The following FREM2 variants were observed in gnomAD, a reference collection of about 807,000 sequenced individuals.
FREM2 encodes the protein FRAS1-related extracellular matrix protein 2.
In FREM2, 119 loss-of-function variants were observed where a neutral mutation model predicts 219.9. The ratio of observed to expected loss-of-function variants is 0.54; its 90% CI spans 0.47 to 0.63. The LOEUF (loss-of-function observed/expected upper bound fraction) is 0.63, where lower values mean the gene tolerates loss of function less well. Among genes scored for constraint, FREM2 ranks in the 30% least tolerant of loss-of-function variants. The pLI is 0.00. For synonymous variants in FREM2, 1,562 were observed against 1,522.8 expected, an observed-to-expected ratio of 1.03 and a Z score of -0.60; for missense variants, 4,030 against 3,993.6, an observed-to-expected ratio of 1.01 and a Z score of -0.25.
At chr13:38,789,614 T>A (rs1874478865) in intron 6 of FREM2, among the ~76,000 whole-genome samples, 1 of 151,296 alleles carries the variant, frequency 6.6e-6, no homozygotes, top group South Asian at 2.1e-4. Flanking sequence ...TTCTATTTCA[T>A]TAATTTCTGT....
intron 4 of FREM2, among the ~76,000 whole-genome samples, chr13:38,775,778 C>T (rs1172052052): frequency 1.3e-5 from 2 of 152,114 alleles, no homozygotes; most frequent in Non-Finnish European, 2.9e-5. Context: ...ACCACCATAC[C>T]CAGCTAATTT....
intron 2 of FREM2, among the ~76,000 whole-genome samples, chr13:38,717,645 G>T (rs972429428): frequency 1.3e-5 from 2 of 152,008 alleles, no homozygotes; most frequent in African/African-American, 4.8e-5. Context: ...TTGAACTCTT[G>T]ATCTGAAGTG....
rs1869933314 is a variant in FREM2 at position 38,692,451 on chromosome 13, G to A, written c.5107G>A (p.Ala1703Thr). Residue 1703 changes from alanine to threonine, a missense_variant, in exon 1 of 24, where the codon GCC becomes ACC. Physicochemically the swap from Ala to Thr is moderately conservative, Grantham distance 58. This residue lies in a region of FREM2 where 3,102 missense variants were observed against 2,950.7 expected (regional missense o/e 1.05). Transcript: ENST00000280481. ...HISLRFIVTE[A>T]PQHGYLLNLD... ...TTCTCTTAGATTTATCGTGACAGAGGCCCCTCAACATGGATATCTTCTCAA... is the reference window on the plus strand; with the variant it reads ...TTCTCTTAGATTTATCGTGACAGAGACCCCTCAACATGGATATCTTCTCAA... 6.2e-7 allele frequency: 1 copy of A among 1,613,608 alleles called. No homozygotes were observed. Among genetic ancestry groups the A allele is most frequent in the Non-Finnish European group, 8.5e-7 (1 of 1,179,882 alleles).
rs1348762404 is a variant in FREM2 at position 38,688,749 on chromosome 13, G to T, written c.1405G>T (p.Val469Phe). Residue 469 changes from valine (V) to phenylalanine (F), a missense_variant, in exon 1 of 24, where the codon GTC becomes TTC. Physicochemically the swap from Val to Phe is conservative, Grantham distance 50 (BLOSUM62 -1). Around this residue, in one of 2 missense-constraint regions of FREM2, gnomAD observed 3,102 missense variants for 2,950.7 expected, o/e 1.05. Transcript: ENST00000280481. ...TGCAGGCAGTGGTCCGCAAAACTTGGTCATCAGCGATGAGGATGACCTAGA... is the reference window on the plus strand; with the variant it reads ...TGCAGGCAGTGGTCCGCAAAACTTGTTCATCAGCGATGAGGATGACCTAGA... ...GPAGSGPQNL[V>F]ISDEDDLEAV... The T allele has an allele frequency of 6.2e-7, 1 of 1,613,936 alleles. No homozygotes were observed. The highest frequency in any genetic ancestry group is 8.5e-7 in the Non-Finnish European group (1 of 1,179,958).
Position 38,689,608 on chromosome 13 carries a change from C to A in FREM2, c.2264C>A (p.Pro755Gln). 1.2e-6 allele frequency: 2 copies of A among 1,613,588 alleles called. No homozygotes were observed. The highest frequency in any genetic ancestry group is 8.5e-7 in the Non-Finnish European group (1 of 1,179,728). Residue 755 changes from proline to glutamine, a missense_variant, in exon 1 of 24, where the codon CCA becomes CAA. Around this residue, in one of 2 missense-constraint regions of FREM2, gnomAD observed 3,102 missense variants for 2,950.7 expected, o/e 1.05. Transcript: ENST00000280481. The part of the protein sequence containing the change: ...PPTDTDENHL[P>Q]APLGTLVLTD... Reference sequence around the variant, plus strand: ...ACAGACACAGACGAAAATCACCTGCCAGCCCCACTGGGTACCTTGGTCTTG... The same window carrying A: ...ACAGACACAGACGAAAATCACCTGCAAGCCCCACTGGGTACCTTGGTCTTG...
At chr13:38,880,140 C>A in intron 23 of FREM2, 144 bp from the exon 24 acceptor site, 1 of 862,940 alleles carries the variant, frequency 1.2e-6, no homozygotes, top group Non-Finnish European at 1.9e-6. Context: ...GCACCTAGTA[C>A]TCATTCAAAA....
chr13:38,690,023 G>A lies in FREM2; in HGVS notation c.2679G>A (p.Glu893=), dbSNP rs1461075173. The A allele has an allele frequency of 2.5e-6, 4 of 1,613,956 alleles. No individual in the cohort carries two copies. Among genetic ancestry groups the A allele is most frequent in the Non-Finnish European group, 3.4e-6 (4 of 1,180,018 alleles). ...ILHVGGLFHL[E]DIKQGRVSYA... ...ATGTAGGGGGTCTCTTCCACTTGGA[G>A]GACATAAAACAGGGCCGAGTTTCCT... Residue 893 remains glutamate, a synonymous_variant, in exon 1 of 24, where the codon GAG becomes GAA. Coordinates refer to ENST00000280481, the MANE Select transcript of FREM2 (RefSeq NM_207361.6).
At chr13:38,741,407 C>T (rs759248111) in intron 2 of FREM2, among the ~76,000 whole-genome samples, 3 of 152,086 alleles carry the variant, frequency 2.0e-5, no homozygotes, top group Non-Finnish European at 4.4e-5. Flanking sequence ...GAATTTCTCC[C>T]TAATGAAGAC....
chr13:38,876,270 A>C lies in FREM2; in HGVS notation c.8432A>C (p.Tyr2811Ser), dbSNP rs577529873. The change falls in exon 20 of 24, where the codon TAT becomes TCT. Residue 2811 changes from tyrosine to serine, a missense_variant. Tyr to Ser is a moderately radical substitution (Grantham distance 144). This residue lies in a region of FREM2 where 928 missense variants were observed against 1,042.9 expected (regional missense o/e 0.89). Transcript: ENST00000280481. Reference protein sequence around the residue: ...DFAVRDYSGTYTVKLVPCTAP... With the variant: ...DFAVRDYSGTSTVKLVPCTAP... ...AAGGTACGTGACTACTCAGGGACCTATACTGTGAAGCTGGTGCCATGCACT... is the reference window on the plus strand; with the variant it reads ...AAGGTACGTGACTACTCAGGGACCTCTACTGTGAAGCTGGTGCCATGCACT... 6.2e-7 allele frequency: 1 copy of C among 1,614,138 alleles called. No homozygotes were observed. Among genetic ancestry groups the C allele is most frequent in the South Asian group, 1.1e-5 (1 of 91,074 alleles).
intron 2 of FREM2, among the ~76,000 whole-genome samples, chr13:38,748,847 G>T (rs897985412): frequency 4.6e-5 from 7 of 152,140 alleles, no homozygotes; most frequent in African/African-American, 1.7e-4. Flanking sequence ...GATGCTGTGA[G>T]CTCTATGTTT....
intron 16 of FREM2, among the ~76,000 whole-genome samples, chr13:38,867,076 A>G (rs765181336): frequency 1.3e-5 from 2 of 152,190 alleles, no homozygotes; most frequent in Non-Finnish European, 2.9e-5. Flanking sequence ...ACTGCCAGCT[A>G]GAAAAGTCAT....
intron 2 of FREM2, among the ~76,000 whole-genome samples, chr13:38,725,652 A>G (rs919079551): frequency 4.6e-5 from 7 of 152,190 alleles, no homozygotes; most frequent in Non-Finnish European, 1.0e-4. Flanking sequence ...GGAGGAACTG[A>G]GTGGAAGCCT....
intron 6 of FREM2, among the ~76,000 whole-genome samples, chr13:38,832,161 A>G (rs555517893): frequency 1.3e-5 from 2 of 151,924 alleles, no homozygotes; most frequent in Admixed American, 6.6e-5. Flanking sequence ...CTAAAAATAC[A>G]AAAATTAGCT....
intron 2 of FREM2, among the ~76,000 whole-genome samples, chr13:38,701,413 T>C (rs1012634104): frequency 1.3e-5 from 2 of 152,174 alleles, no homozygotes; most frequent in African/African-American, 4.8e-5. Flanking sequence ...TTCACGAAGG[T>C]AACTTATAAT....
rs1175914130 is a variant in FREM2 at position 38,692,391 on chromosome 13, A to G, written c.5047A>G (p.Ile1683Val). The G allele has an allele frequency of 1.2e-5, 20 of 1,609,712 alleles. No homozygotes were observed. The highest frequency in any genetic ancestry group is 1.6e-5 in the Non-Finnish European group (19 of 1,177,326). ...GHLGFMITSK[I>V]LKVEDRDSLH... ...CTTGGGGTTCATGATCACAAGCAAA[A>G]TATTGAAAGTGGAGGACAGAGACAG... is the stretch of plus-strand genomic sequence containing the variant. The change falls in exon 1 of 24, where the codon ATA (isoleucine) becomes GTA (valine). Residue 1683 changes from isoleucine (I) to valine (V), a missense_variant. Coordinates refer to ENST00000280481, the MANE Select transcript of FREM2 (RefSeq NM_207361.6).
At chr13:38,783,399 A>C (rs1432662261) in intron 5 of FREM2, among the ~76,000 whole-genome samples, 1 of 151,762 alleles carries the variant, frequency 6.6e-6, no homozygotes, top group Non-Finnish European at 1.5e-5. Flanking sequence ...CACTTACTGC[A>C]ATACTCAAGG....
intron 6 of FREM2, among the ~76,000 whole-genome samples, chr13:38,838,249 G>A (rs1360733852): frequency 6.6e-6 from 1 of 152,110 alleles, no homozygotes; most frequent in African/African-American, 2.4e-5. Flanking sequence ...GAAATTCTGG[G>A]TTGAAAATTC....
chr13:38,771,530 T>TA (rs1234246817), intron 4 of FREM2, among the ~76,000 whole-genome samples: 2 of 152,102 alleles, frequency 1.3e-5, no homozygotes, highest in Non-Finnish European at 2.9e-5. Context: ...AGTAGGATAT[T>TA]AAAAACAAAA....
chr13:38,879,562 G>T (rs949314659), intron 23 of FREM2, among the ~76,000 whole-genome samples: 5 of 152,186 alleles, frequency 3.3e-5, no homozygotes, highest in Non-Finnish European at 7.3e-5. Context: ...AATCTCTGCC[G>T]AAGCAAGTGC....
Sources: allele counts gnomAD v4.1 joint callset (sites outside exome capture counted in the v4.1 genomes callset), GRCh38; gene constraint gnomAD v4.1.1; regional missense constraint gnomAD v4.1.1; transcripts MANE v1.5; gene names NCBI Gene and HGNC (gene_info 2026-07-23, HGNC 2026-07-21).